Variants in KCNIP4 observed in about 807,000 individuals in gnomAD.
The protein encoded by KCNIP4 is Kv channel-interacting protein 4.
A neutral mutation model predicts 34.0 loss-of-function variants in KCNIP4; 12 were observed. The ratio of observed to expected loss-of-function variants is 0.35; its 90% confidence interval spans 0.23 to 0.57. KCNIP4 has a LOEUF of 0.57. KCNIP4 is among the 20% of genes least tolerant of loss of function. The pLI, the probability that KCNIP4 is intolerant of heterozygous loss-of-function variation, is 0.83. For synonymous variants in KCNIP4, 124 were observed against 102.2 expected, an observed-to-expected ratio of 1.21 and a Z score of -1.29; for missense variants, 238 against 311.7, an observed-to-expected ratio of 0.76 and a Z score of 1.78.
intron 1 of KCNIP4, among the ~76,000 whole-genome samples, chr4:21,796,515 G>C (rs1003854562): frequency 2.0e-5 from 3 of 152,210 alleles, no homozygotes; most frequent in African/African-American, 7.2e-5. Context: ...ACTTGCGTGA[G>C]AGAAAGATGT....
At position 21,151,405 on chromosome 4, in the gene KCNIP4, A is replaced by ATTTTT. The variant is rs1491541435; in HGVS notation, c.62-268697_62-268696insAAAAA. Among the ~76,000 whole-genome samples the ATTTTT allele has an allele frequency of 5.1e-4, 48 of 93,516 alleles. 9 individuals are homozygous for ATTTTT. The highest frequency in any genetic ancestry group is 1.8e-3 in the African/African-American group (44 of 24,724). 61.4% of individuals were successfully genotyped at this position (93,516 alleles called of 152,430 possible). On this transcript the variant is annotated intron_variant, in intron 1 of 8. Transcript: ENST00000382152. ...AGAATGGATGTCTTCAACAAAAGACAATTTTTTTTTTTTTTTTTTTTTTTT... is the reference window on the plus strand; with the variant it reads ...AGAATGGATGTCTTCAACAAAAGACATTTTTATTTTTTTTTTTTTTTTTTTTTTTT...
At chr4:21,266,392 G>T (rs1444464102) in intron 1 of KCNIP4, among the ~76,000 whole-genome samples, 4 of 145,696 alleles carry the variant, frequency 2.7e-5, no homozygotes, top group Non-Finnish European at 5.9e-5. Context: ...AAAACAAAAT[G>T]CCAAGGAAAC....
intron 1 of KCNIP4, among the ~76,000 whole-genome samples, chr4:21,082,701 A>G (rs1746103285): frequency 6.6e-6 from 1 of 151,820 alleles, no homozygotes; most frequent in Non-Finnish European, 1.5e-5. Flanking sequence ...ATAAGCCAGT[A>G]GGACTAATTC....
At chr4:21,808,589 G>T (rs1470682740) in intron 1 of KCNIP4, among the ~76,000 whole-genome samples, 1 of 152,136 alleles carries the variant, frequency 6.6e-6, no homozygotes, top group Non-Finnish European at 1.5e-5. Flanking sequence ...TAAGTTTTGA[G>T]GGGGAGTCAA....
intron 1 of KCNIP4, among the ~76,000 whole-genome samples, chr4:21,862,909 C>T (rs10001862): frequency 0.014 from 2,113 of 149,834 alleles, 46 homozygotes; most frequent in African/African-American, 0.048. Context: ...TGCAGTGAGC[C>T]CAGATCGCGC....
chr4:21,526,849 C>G (rs1467611255), intron 1 of KCNIP4, among the ~76,000 whole-genome samples: 1 of 152,190 alleles, frequency 6.6e-6, no homozygotes, highest in East Asian at 1.9e-4. Flanking sequence ...TGAAACAACT[C>G]ACTCCTCCAG....
intron 1 of KCNIP4, among the ~76,000 whole-genome samples, chr4:20,986,384 C>A (rs561062152): frequency 6.6e-6 from 1 of 152,092 alleles, no homozygotes; most frequent in Non-Finnish European, 1.5e-5. Context: ...TATCAGCAAG[C>A]CTGTGGCGGG....
intron 1 of KCNIP4, among the ~76,000 whole-genome samples, chr4:21,104,338 T>C (rs191227214): frequency 1.4e-3 from 216 of 152,340 alleles, no homozygotes; most frequent in African/African-American, 5.1e-3. Flanking sequence ...ATTTCTCTCA[T>C]GGCCAGTGAT....
rs145651730 is a variant in KCNIP4, at chr4:20,966,974, G to A, written c.62-84265C>T. On this transcript the variant is annotated intron_variant, in intron 1 of 8. Coordinates refer to ENST00000382152, the MANE Select transcript of KCNIP4 (RefSeq NM_025221.6). ...GAGGTTCAGACAGGTTTGGTGATTT[G>A]CACAGGACCACAGCCAGCAGCATTT... is the stretch of plus-strand genomic sequence containing the variant. Among the ~76,000 whole-genome samples, 825 of 152,244 alleles carry A rather than the reference G, an allele frequency of 5.4e-3. 8 individuals carry two copies. The highest frequency in any genetic ancestry group is 0.019 in the African/African-American group (784 of 41,542).
chr4:21,082,549 T>G (rs1459622711), intron 1 of KCNIP4, among the ~76,000 whole-genome samples: 2 of 151,790 alleles, frequency 1.3e-5, no homozygotes, highest in African/African-American at 4.9e-5. Flanking sequence ...GACATCTGCC[T>G]TAAAGAGAAG....
At chr4:20,929,202 C>T (rs1374072989) in intron 1 of KCNIP4, among the ~76,000 whole-genome samples, 2 of 151,836 alleles carry the variant, frequency 1.3e-5, no homozygotes, top group East Asian at 1.9e-4. Flanking sequence ...AGGATTTATC[C>T]CTAGCATGCA....
intron 1 of KCNIP4, among the ~76,000 whole-genome samples, chr4:20,933,411 T>C (rs187169484): frequency 6.6e-6 from 1 of 152,162 alleles, no homozygotes; most frequent in Non-Finnish European, 1.5e-5. Flanking sequence ...GATAAGTAAA[T>C]GTTCTAAGTT....
rs539031435 is a variant in KCNIP4, at chr4:21,076,690, C to T, written c.62-193981G>A. On this transcript the variant is annotated intron_variant, in intron 1 of 8. Coordinates refer to ENST00000382152, the MANE Select transcript of KCNIP4 (RefSeq NM_025221.6). ...TCTGAAATGATGAAATCATTCAATA[C>T]ACCTGGGCAGCTATGAGAAATGTCG... Among the ~76,000 whole-genome samples the T allele has an allele frequency of 2.9e-4, 44 of 151,782 alleles. No individual in the cohort carries two copies. In the South Asian group the frequency reaches 8.3e-3, roughly 29 times the overall value.
At chr4:20,903,405 G>A (rs1727381791) in intron 1 of KCNIP4, among the ~76,000 whole-genome samples, 1 of 152,056 alleles carries the variant, frequency 6.6e-6, no homozygotes, top group Admixed American at 6.5e-5. Flanking sequence ...AAATATGTTG[G>A]TTTGGTCCAG....
chr4:21,146,471 T>A (rs1752364738), intron 1 of KCNIP4, among the ~76,000 whole-genome samples: 1 of 152,180 alleles, frequency 6.6e-6, no homozygotes, highest in Admixed American at 6.5e-5. Context: ...GAAGCTCAGC[T>A]ACCAGCATTT....
In KCNIP4 at chr4:21,349,880, G is replaced by T. The variant is rs534314156; in HGVS notation, c.62-467171C>A. 5.3e-5 allele frequency among the ~76,000 whole-genome samples: 8 copies of T among 152,252 alleles called. No homozygotes were observed. The South Asian group carries it at 1.5e-3, about 28-fold the overall frequency. On this transcript the variant is annotated intron_variant, in intron 1 of 8. Transcript: ENST00000382152. ...TAGCATTCTCAGGGACATTAACTTT[G>T]ATCCAAAGAGCTAGAGCAGCAGTTC...
At chr4:20,740,540 C>T (rs551588641) in intron 5 of KCNIP4, among the ~76,000 whole-genome samples, 10 of 152,218 alleles carry the variant, frequency 6.6e-5, no homozygotes, top group East Asian at 1.9e-4. Flanking sequence ...ATTTTGTCAC[C>T]GCCAGGCCTG....
At chr4:21,588,292 T>C (rs374886936) in intron 1 of KCNIP4, among the ~76,000 whole-genome samples, 6 of 152,136 alleles carry the variant, frequency 3.9e-5, no homozygotes, top group African/African-American at 1.4e-4. Flanking sequence ...AACCTGGCTA[T>C]GGGTGCTAGG....
chr4:20,756,213 A>G (rs1754423732), intron 4 of KCNIP4, among the ~76,000 whole-genome samples: 1 of 151,828 alleles, frequency 6.6e-6, no homozygotes, highest in Non-Finnish European at 1.5e-5. Flanking sequence ...GGCAAAGTCA[A>G]CTCTGGCCAT....
Sources: allele counts gnomAD v4.1 joint callset (sites outside exome capture counted in the v4.1 genomes callset), GRCh38; gene constraint gnomAD v4.1.1; transcripts MANE v1.5; gene names NCBI Gene and HGNC (gene_info 2026-07-23, HGNC 2026-07-21).